Variants in IL23R observed in about 807,000 individuals in gnomAD.
The protein encoded by IL23R is interleukin-23 receptor.
IL23R carries 34 observed loss-of-function variants against 56.9 expected under a neutral mutation model. The observed-to-expected ratio is 0.60, with a 90% CI of 0.45 to 0.80. The LOEUF is 0.80. IL23R is among the 30% of genes least tolerant of loss of function. IL23R has a pLI of 0.00. For synonymous variants in IL23R, 230 were observed against 249.2 expected (o/e 0.92, Z 0.73); for missense variants, 635 against 730.0 (o/e 0.87, Z 1.50).
intron 1 of IL23R, among the ~76,000 whole-genome samples, chr1:67,167,529 G>A (rs962458818): frequency 6.6e-6 from 1 of 152,190 alleles, no homozygotes; most frequent in African/African-American, 2.4e-5. Flanking sequence ...AGTGTGATAA[G>A]TATGTAACTT....
chr1:67,195,965 T>G (rs61780312), intron 4 of IL23R, among the ~76,000 whole-genome samples: 6,904 of 152,200 alleles, frequency 0.045, 210 homozygotes, highest in African/African-American at 0.083. Flanking sequence ...TGGGATATTT[T>G]GGGGCTAGAA....
At position 67,149,509 on chromosome 1, in the gene IL23R, G is replaced by A. The variant is rs115396605; in HGVS notation, c.-634+10348G>A. Among the ~76,000 whole-genome samples, 857 of 152,024 alleles carry A rather than the reference G, an allele frequency of 5.6e-3. 1 individual carries two copies. The highest frequency in any genetic ancestry group is 8.5e-3 in the Non-Finnish European group (581 of 68,004). Reference sequence around the variant, plus strand: ...CTGTTGTAATCTTTCTGAAGAACAGGACAGGGTCTCATTCACGTTTGTATT... The same window carrying A: ...CTGTTGTAATCTTTCTGAAGAACAGAACAGGGTCTCATTCACGTTTGTATT... On this transcript the variant is annotated intron_variant, in intron 1 of 10. Coordinates refer to the IL23R transcript ENST00000637002.
intron 4 of IL23R, among the ~76,000 whole-genome samples, chr1:67,189,513 T>C (rs575665920): frequency 6.6e-6 from 1 of 152,248 alleles, no homozygotes; most frequent in South Asian, 2.1e-4. Flanking sequence ...ATAAAAGATA[T>C]AAAAGGTTAG....
upstream of IL23R, among the ~76,000 whole-genome samples, chr1:67,161,668 G>T (rs1325839257): frequency 1.3e-5 from 2 of 151,348 alleles, no homozygotes; most frequent in African/African-American, 4.9e-5. Context: ...TCACTCTGTC[G>T]CCAGGCTGGA....
At position 67,227,978 on chromosome 1, in the gene IL23R, C is replaced by CTT. The variant is rs1190881587; in HGVS notation, c.955+8250_955+8251dup. On this transcript the variant is annotated intron_variant, in intron 7 of 10. Transcript: ENST00000347310. Reference sequence around the variant, plus strand: ...TCTTTCTTTCTTTCTTTCTTTCTTTCTTTCTTTCTTTCTTTCTTTCTTTCT... The same window carrying CTT: ...TCTTTCTTTCTTTCTTTCTTTCTTTCTTTTTCTTTCTTTCTTTCTTTCTTTCT... 3.4e-5 allele frequency among the ~76,000 whole-genome samples: 3 copies of CTT among 87,802 alleles called. 1 individual carries two copies. The highest frequency in any genetic ancestry group is 2.4e-5 in the Non-Finnish European group (1 of 41,788). The allele number at this position is 87,802 out of a possible 152,430, so 57.6% of individuals were successfully genotyped here.
intron 5 of IL23R, among the ~76,000 whole-genome samples, chr1:67,204,810 G>C (rs2102631296): frequency 6.7e-6 from 1 of 148,932 alleles, no homozygotes; most frequent in East Asian, 2.0e-4. Flanking sequence ...GCAGAGTCTT[G>C]CTCTGTTACC....
At chr1:67,240,427 T>G in intron 9 of IL23R, 146 bp downstream of exon 9, 2 of 657,588 alleles carry the variant, frequency 3.0e-6, no homozygotes, top group Non-Finnish European at 5.4e-6. Context: ...GTTTAATAAG[T>G]ACTTACCCAT....
chr1:67,220,190 G>A (rs1650149461), intron 7 of IL23R, among the ~76,000 whole-genome samples: 1 of 151,996 alleles, frequency 6.6e-6, no homozygotes, highest in African/African-American at 2.4e-5. Context: ...CCGACATGGT[G>A]AAACCCTGTC....
intron 10 of IL23R, among the ~76,000 whole-genome samples, chr1:67,256,642 C>A (rs1652968735): frequency 6.6e-6 from 1 of 152,060 alleles, no homozygotes. Context: ...TAGAAATGAG[C>A]CCAAACATGT....
rs545294233 is a variant in IL23R at position 67,255,010 on chromosome 1, C to T, written c.1149-827C>T. Among the ~76,000 whole-genome samples, 106 of 152,278 alleles carry T rather than the reference C, an allele frequency of 7.0e-4. 1 individual carries two copies. Among genetic ancestry groups the T allele is most frequent in the Admixed American group, 3.1e-3 (47 of 15,284 alleles). ...ATGTTCCCCAGCCTCCTTCTCCATCCGCATCAAGAAAGTTTGGAGCTGTCA... is the reference window on the plus strand; with the variant it reads ...ATGTTCCCCAGCCTCCTTCTCCATCTGCATCAAGAAAGTTTGGAGCTGTCA... On this transcript the variant is annotated intron_variant, in intron 9 of 10. Transcript: ENST00000347310.
At chr1:67,227,950 CTTTCTTTCTT>C (rs745729466) in intron 7 of IL23R, among the ~76,000 whole-genome samples, 7,861 of 62,698 alleles carry the variant, frequency 0.13, 762 homozygotes, top group Middle Eastern at 0.16. Flanking sequence ...ATCTTTCTTT[CTTTCTTTCTT>C]TCTTTCTTTC....
intron 4 of IL23R, among the ~76,000 whole-genome samples, chr1:67,191,212 C>A (rs951701257): frequency 1.3e-5 from 2 of 152,148 alleles, no homozygotes; most frequent in African/African-American, 4.8e-5. Context: ...CTTTTTCTGT[C>A]ATCTCTCCTC....
intron 6 of IL23R, among the ~76,000 whole-genome samples, chr1:67,213,308 A>C (rs1057502698): frequency 4.6e-5 from 7 of 152,230 alleles, no homozygotes; most frequent in African/African-American, 1.2e-4. Flanking sequence ...AGCCTGGAAT[A>C]GTGTAATTGT....
At chr1:67,252,302 C>T (rs1452257490) in intron 9 of IL23R, among the ~76,000 whole-genome samples, 3 of 152,064 alleles carry the variant, frequency 2.0e-5, no homozygotes, top group Admixed American at 6.6e-5. Flanking sequence ...TGTGAATTTC[C>T]AAATGCCAAA....
At chr1:67,219,205 A>G (rs943701923) in intron 6 of IL23R, among the ~76,000 whole-genome samples, 1 of 151,966 alleles carries the variant, frequency 6.6e-6, no homozygotes, top group African/African-American at 2.4e-5. Context: ...CATCTTTACT[A>G]AAAATACAAA....
intron 4 of IL23R, among the ~76,000 whole-genome samples, chr1:67,198,380 A>C (rs1453963782): frequency 6.6e-6 from 1 of 152,216 alleles, no homozygotes; most frequent in Admixed American, 6.5e-5. Context: ...AGAGGCTCAA[A>C]CATTCTGTCC....
chr1:67,260,816 G>C (rs1653180814), downstream of IL23R, among the ~76,000 whole-genome samples: 1 of 152,082 alleles, frequency 6.6e-6, no homozygotes, highest in Admixed American at 6.6e-5. Flanking sequence ...AGGAACACTT[G>C]AGCCCAAGAG....
intron 1 of IL23R, among the ~76,000 whole-genome samples, chr1:67,145,068 C>T (rs936143762): frequency 1.1e-4 from 16 of 152,096 alleles, no homozygotes; most frequent in Admixed American, 7.2e-4. Context: ...GAATAATAGG[C>T]GGCTGGTGGC....
upstream of IL23R, among the ~76,000 whole-genome samples, chr1:67,161,877 C>T (rs1171410776): frequency 6.6e-6 from 1 of 151,922 alleles, no homozygotes; most frequent in Non-Finnish European, 1.5e-5. Flanking sequence ...CCACCTGCCT[C>T]GGCCAACAAA....
Sources: allele counts gnomAD v4.1 joint callset (sites outside exome capture counted in the v4.1 genomes callset), GRCh38; gene constraint gnomAD v4.1.1; transcripts MANE v1.5; gene names NCBI Gene and HGNC (gene_info 2026-07-23, HGNC 2026-07-21).